The following PCDH15 variants were observed in gnomAD, a reference collection of about 807,000 sequenced individuals.
The protein encoded by PCDH15 is protocadherin-15.
PCDH15 carries 129 observed loss-of-function variants against 178.5 expected under a neutral mutation model. The ratio of observed to expected loss-of-function variants is 0.72; its 90% CI spans 0.63 to 0.84. The LOEUF (loss-of-function observed/expected upper bound fraction) is 0.84. PCDH15 is among the 40% of genes least tolerant of loss of function. The probability of loss-of-function intolerance (pLI) is 0.00; values close to 1 mark genes in which losing one functional copy is unlikely to be tolerated. For missense variants in PCDH15, 2,230 were observed against 2,099.9 expected, an observed-to-expected ratio of 1.06 and a Z score of -1.21; for synonymous variants, 800 against 732.0, an observed-to-expected ratio of 1.09 and a Z score of -1.50.
chr10:55,313,844 A>C (rs901039715), intron 1 of PCDH15, among the ~76,000 whole-genome samples: 2 of 152,126 alleles, frequency 1.3e-5, no homozygotes, highest in Non-Finnish European at 2.9e-5. Flanking sequence ...ATTGTGAGTA[A>C]AACAAAATGT....
intron 2 of PCDH15, among the ~76,000 whole-genome samples, chr10:55,551,605 T>G (rs1537594): frequency 0.014 from 2,159 of 151,926 alleles, 55 homozygotes; most frequent in African/African-American, 0.048. Context: ...GTGAGTAAAG[T>G]AGATTACAAA....
At position 55,314,192 on chromosome 10, in the gene PCDH15, T is replaced by C. The variant is rs970077765; in HGVS notation, c.-156+5407A>G. Among the ~76,000 whole-genome samples, 12 of 122,412 alleles carry C rather than the reference T, an allele frequency of 9.8e-5. 1 individual carries two copies. The highest frequency in any genetic ancestry group is 1.9e-4 in the Non-Finnish European group (12 of 62,242). 80.3% of individuals were successfully genotyped at this position (122,412 alleles called of 152,430 possible). A position where few individuals can be genotyped will look rare whatever the true frequency, so the allele number is the denominator to read the frequency against. On this transcript the variant is annotated intron_variant, in intron 1 of 5. Coordinates refer to the PCDH15 transcript ENST00000458638. ...TATAATTATATATACATTATATATG[T>C]TTGTGTGTATATATATATATATATA...
intron 1 of PCDH15, among the ~76,000 whole-genome samples, chr10:55,212,409 C>T (rs1053411759): frequency 6.6e-5 from 10 of 151,998 alleles, no homozygotes; most frequent in African/African-American, 2.4e-4. Flanking sequence ...CTTTCTTTTG[C>T]CTATTAAACT....
At chr10:54,098,620 T>C (rs1234214674) in intron 15 of PCDH15, among the ~76,000 whole-genome samples, 1 of 152,106 alleles carries the variant, frequency 6.6e-6, no homozygotes, top group African/African-American at 2.4e-5. Flanking sequence ...TAAAGAAAAA[T>C]GTTGTCAGGC....
chr10:55,599,935 A>C, intron 2 of PCDH15: 1 of 1,526,854 alleles, frequency 6.5e-7, no homozygotes. Flanking sequence ...TCTTACTTTC[A>C]ACCAGTGAAA....
intron 2 of PCDH15, among the ~76,000 whole-genome samples, chr10:55,430,575 A>C (rs1247066913): frequency 1.3e-5 from 2 of 152,172 alleles, no homozygotes; most frequent in Non-Finnish European, 2.9e-5. Context: ...CCCAGAGAAG[A>C]AGTGATTTTC....
intron 20 of PCDH15, among the ~76,000 whole-genome samples, chr10:54,003,447 G>A (rs1419108500): frequency 6.6e-6 from 1 of 151,892 alleles, no homozygotes; most frequent in African/African-American, 2.4e-5. Context: ...ATACTGCAGA[G>A]ATTCAAGGGA....
chr10:55,298,228 C>T (rs1048822375), intron 1 of PCDH15, among the ~76,000 whole-genome samples: 6 of 152,144 alleles, frequency 3.9e-5, no homozygotes, highest in African/African-American at 1.4e-4. Context: ...CCAGGATTTT[C>T]ACAAAGCACA....
rs765329284 is a variant in PCDH15, at chr10:54,066,859, C to T, written c.2118G>A (p.Val706=). ...GAGCATTGTCATTGACATCTGTCAC[C>T]ACTATGTTTACTGTGGCAGTTGAGG... The part of the protein sequence containing the change: ...DGTSTATVNI[V]VTDVNDNAPV... The change falls in exon 18 of 38, where the codon GTG becomes GTA. Residue 706 remains valine, a synonymous_variant. Transcript: ENST00000644397. 50 of 1,613,332 alleles carry T rather than the reference C, an allele frequency of 3.1e-5. No individual in the cohort carries two copies. Among genetic ancestry groups the T allele is most frequent in the Non-Finnish European group, 4.2e-5 (49 of 1,179,558 alleles).
At chr10:53,860,724 CAAA>C (rs11345773) in intron 27 of PCDH15, among the ~76,000 whole-genome samples, 13 of 78,024 alleles carry the variant, frequency 1.7e-4, no homozygotes, top group African/African-American at 5.2e-4. Flanking sequence ...GACTCTGTCT[CAAA>C]AAAAAAAAAA....
chr10:53,972,984 A>G (rs887360974), intron 21 of PCDH15, among the ~76,000 whole-genome samples: 3 of 152,156 alleles, frequency 2.0e-5, no homozygotes, highest in Non-Finnish European at 4.4e-5. Flanking sequence ...ATAAAGACAC[A>G]TGCACACCTA....
At chr10:54,063,222 T>A (rs956536519) in intron 18 of PCDH15, among the ~76,000 whole-genome samples, 17 of 152,322 alleles carry the variant, frequency 1.1e-4, no homozygotes, top group Admixed American at 3.3e-4. Context: ...CCCGTCACCT[T>A]CTACAACATG....
At chr10:55,446,794 G>A (rs1220507844) in intron 2 of PCDH15, among the ~76,000 whole-genome samples, 1 of 152,076 alleles carries the variant, frequency 6.6e-6, no homozygotes, top group African/African-American at 2.4e-5. Flanking sequence ...TACTCTGAGA[G>A]ACATATATGG....
chr10:54,834,825 G>A lies in PCDH15; in HGVS notation c.-29+62625C>T, dbSNP rs565524619. On this transcript the variant is annotated intron_variant, in intron 3 of 5. Transcript: ENST00000458638. The stretch of plus-strand genomic sequence containing the variant: ...TTTGTGAAAATGAATTTTTTTTAAA[G>A]TGGCAATGTTGTTTCTAAAAGTGTC... Among the ~76,000 whole-genome samples the A allele has an allele frequency of 3.9e-5, 6 of 152,164 alleles. No homozygotes were observed. In the East Asian group the frequency reaches 1.2e-3, roughly 29 times the overall value.
intron 15 of PCDH15, among the ~76,000 whole-genome samples, chr10:54,127,093 A>T (rs1249155113): frequency 6.6e-6 from 1 of 152,170 alleles, no homozygotes; most frequent in Non-Finnish European, 1.5e-5. Flanking sequence ...ATAAATAAGA[A>T]AGTAGCAGCC....
chr10:55,403,937 C>A (rs138975922), intron 2 of PCDH15, among the ~76,000 whole-genome samples: 1 of 151,998 alleles, frequency 6.6e-6, no homozygotes, highest in East Asian at 1.9e-4. Context: ...TTTATGTTGA[C>A]AACAATCACT....
intron 18 of PCDH15, among the ~76,000 whole-genome samples, chr10:54,042,073 A>C (rs2456698): frequency 6.6e-6 from 1 of 152,066 alleles, no homozygotes; most frequent in Admixed American, 6.6e-5. Context: ...CTGAAGAATC[A>C]TTCTCAAGTT....
chr10:55,387,505 A>G (rs1837691820), intron 2 of PCDH15, among the ~76,000 whole-genome samples: 1 of 152,118 alleles, frequency 6.6e-6, no homozygotes. Flanking sequence ...GTGCTACATA[A>G]CAACAGTTGG....
intron 1 of PCDH15, among the ~76,000 whole-genome samples, chr10:54,795,877 GGAT>G (rs1292869759): frequency 2.0e-5 from 3 of 151,772 alleles, no homozygotes; most frequent in Non-Finnish European, 4.4e-5. Flanking sequence ...TTGATGTCAA[GGAT>G]GATGATGATG....
Sources: gnomAD v4.1 joint callset for allele counts (sites outside exome capture counted in the v4.1 genomes callset) on GRCh38, gnomAD v4.1.1 for gene constraint, MANE v1.5 for transcripts, NCBI Gene and HGNC (gene_info 2026-07-23, HGNC 2026-07-21) for gene names.